Variants in DSCAM observed in about 807,000 individuals in gnomAD.
DSCAM encodes cell adhesion molecule DSCAM.
In DSCAM, 47 loss-of-function variants were observed where a neutral mutation model predicts 217.7. The observed-to-expected ratio is 0.22, with a 90% CI of 0.17 to 0.28. The LOEUF is 0.28. Among genes scored for constraint, DSCAM ranks in the 10% least tolerant of loss-of-function variants. The pLI is 1.00. For synonymous variants in DSCAM, 1,056 were observed against 1,015.3 expected, an observed-to-expected ratio of 1.04 and a Z score of -0.76; for missense variants, 2,080 against 2,618.3, an observed-to-expected ratio of 0.79 and a Z score of 4.49.
chr21:40,295,451 A>G (rs2837554), intron 10 of DSCAM, among the ~76,000 whole-genome samples: 119,113 of 151,982 alleles, frequency 0.78, 49,182 homozygotes, highest in Non-Finnish European at 0.92. Flanking sequence ...AAAACCCAGG[A>G]GCTACTGTTC....
At chr21:40,690,803 A>T (rs1248057444) in intron 3 of DSCAM, among the ~76,000 whole-genome samples, 1 of 152,226 alleles carries the variant, frequency 6.6e-6, no homozygotes, top group East Asian at 1.9e-4. Flanking sequence ...AAAAGAACAC[A>T]CGTATTATGC....
chr21:40,099,209 C>T (rs1405119285), intron 20 of DSCAM, among the ~76,000 whole-genome samples: 3 of 152,174 alleles, frequency 2.0e-5, no homozygotes, highest in Admixed American at 6.5e-5. Context: ...AGGTAAAATT[C>T]GTTCTTGATT....
At chr21:40,818,052 C>T (rs934357228) in intron 1 of DSCAM, among the ~76,000 whole-genome samples, 2 of 125,484 alleles carry the variant, frequency 1.6e-5, no homozygotes, top group South Asian at 2.7e-4. Flanking sequence ...GCCGAGATTG[C>T]GCCACTGCAG....
rs890299546 is a variant in DSCAM, at chr21:40,124,398, A to G, written c.3563-70T>C. ...GGCTTGCGGACCCACGCTTCCCAAC[A>G]TGACCCCACTCCGCACTTACTGTTC... is the stretch of plus-strand genomic sequence containing the variant. On this transcript the variant is annotated intron_variant, in intron 19 of 32. Coordinates refer to ENST00000400454, the MANE Select transcript of DSCAM (RefSeq NM_001389.5). The G allele has an allele frequency of 3.8e-6, 6 of 1,588,392 alleles. No individual in the cohort carries two copies. The African/African-American group carries it at 5.4e-5, about 14-fold the overall frequency.
chr21:40,384,700 G>C (rs1364673002), intron 3 of DSCAM: 1 of 152,670 alleles, frequency 6.6e-6, no homozygotes, highest in Non-Finnish European at 1.5e-5. Flanking sequence ...AAGAGGCACA[G>C]GGAGCTCTGC....
chr21:40,405,503 G>A (rs2075272737), intron 3 of DSCAM, among the ~76,000 whole-genome samples: 1 of 152,100 alleles, frequency 6.6e-6, no homozygotes, highest in Admixed American at 6.5e-5. Context: ...ATAGTGAAAT[G>A]GATGATATCA....
intron 3 of DSCAM, among the ~76,000 whole-genome samples, chr21:40,484,801 C>CCAATTGTT (rs2076011301): frequency 6.6e-6 from 1 of 152,134 alleles, no homozygotes; most frequent in African/African-American, 2.4e-5. Flanking sequence ...AGGATGAGGA[C>CCAATTGTT]AATTGCCACA....
intron 1 of DSCAM, among the ~76,000 whole-genome samples, chr21:40,780,423 G>GTGTGTGTGTATATATA (rs1007015659): frequency 8.9e-5 from 5 of 56,418 alleles, no homozygotes; most frequent in Non-Finnish European, 1.7e-4. Flanking sequence ...GTGTGTGTGT[G>GTGTGTGTGTATATATA]TATATATATA....
At chr21:40,708,360 T>G in intron 2 of DSCAM, 94 bp downstream of exon 2, 12 of 1,070,706 alleles carry the variant, frequency 1.1e-5, no homozygotes, top group Non-Finnish European at 1.5e-5. Context: ...TTTTCATTGG[T>G]TCTCTGCTGT....
At chr21:40,600,855 T>G (rs2077056797) in intron 3 of DSCAM, among the ~76,000 whole-genome samples, 1 of 152,210 alleles carries the variant, frequency 6.6e-6, no homozygotes, top group South Asian at 2.1e-4. Context: ...TTGAATATAT[T>G]TGTGTGCATC....
intron 11 of DSCAM, among the ~76,000 whole-genome samples, chr21:40,201,965 T>C (rs2091074728): frequency 6.6e-6 from 1 of 152,156 alleles, no homozygotes; most frequent in Non-Finnish European, 1.5e-5. Flanking sequence ...TCTCCTGGAA[T>C]TCAAACTCTC....
intron 3 of DSCAM, among the ~76,000 whole-genome samples, chr21:40,455,855 T>C (rs1200819487): frequency 6.6e-6 from 1 of 151,658 alleles, no homozygotes; most frequent in African/African-American, 2.4e-5. Context: ...AGATGATAAA[T>C]AGATAGATAG....
At chr21:40,361,859 G>A (rs947698114) in intron 4 of DSCAM, among the ~76,000 whole-genome samples, 3 of 152,130 alleles carry the variant, frequency 2.0e-5, no homozygotes, top group Non-Finnish European at 4.4e-5. Context: ...TTGCTCACAT[G>A]CAGTTGTTAC....
chr21:40,484,365 T>C (rs376392748), intron 3 of DSCAM, among the ~76,000 whole-genome samples: 1 of 152,300 alleles, frequency 6.6e-6, no homozygotes, highest in African/African-American at 2.4e-5. Context: ...GGTTAACTGA[T>C]AGAAAACATA....
chr21:40,606,818 C>T (rs2089245984), intron 3 of DSCAM, among the ~76,000 whole-genome samples: 1 of 152,190 alleles, frequency 6.6e-6, no homozygotes, highest in South Asian at 2.1e-4. Flanking sequence ...TTGGGAGAGA[C>T]CTGCTGGGAG....
intron 16 of DSCAM, among the ~76,000 whole-genome samples, chr21:40,145,908 G>A (rs543939446): frequency 1.3e-5 from 2 of 151,780 alleles, no homozygotes; most frequent in Non-Finnish European, 2.9e-5. Context: ...AGGTTTTGTA[G>A]ACTTTCAGGC....
intron 1 of DSCAM, among the ~76,000 whole-genome samples, chr21:40,746,955 C>A (rs1203951250): frequency 2.0e-5 from 3 of 151,816 alleles, no homozygotes; most frequent in African/African-American, 7.2e-5. Flanking sequence ...GCAACACGCT[C>A]CTGAGCAACA....
At chr21:40,698,632 G>A (rs1238965238) in intron 2 of DSCAM, among the ~76,000 whole-genome samples, 1 of 152,138 alleles carries the variant, frequency 6.6e-6, no homozygotes, top group Non-Finnish European at 1.5e-5. Context: ...CACTTTGTGA[G>A]GCCGAGGTGG....
At chr21:40,130,222 G>A (rs1011047579) in intron 19 of DSCAM, among the ~76,000 whole-genome samples, 2 of 152,106 alleles carry the variant, frequency 1.3e-5, no homozygotes, top group Non-Finnish European at 2.9e-5. Context: ...CTTTCCTTAC[G>A]GCTTGACTCG....
Sources: gnomAD v4.1 joint callset for allele counts (sites outside exome capture counted in the v4.1 genomes callset) on GRCh38, gnomAD v4.1.1 for gene constraint, MANE v1.5 for transcripts, NCBI Gene and HGNC (gene_info 2026-07-23, HGNC 2026-07-21) for gene names.